Variants in ARSF observed in about 807,000 individuals in gnomAD.
ARSF encodes the protein arylsulfatase F.
ARSF carries 33 observed loss-of-function variants against 35.4 expected under a neutral mutation model. That is an observed-to-expected ratio of 0.93 (90% confidence interval 0.71 to 1.25). ARSF has a LOEUF of 1.25. ARSF is among the 50% of genes most tolerant of loss of function. The pLI, the probability that ARSF is intolerant of heterozygous loss-of-function variation, is 0.00. For synonymous variants in ARSF, 222 were observed against 193.1 expected, an observed-to-expected ratio of 1.15 and a Z score of -1.24; for missense variants, 501 against 480.2, an observed-to-expected ratio of 1.04 and a Z score of -0.40.
chrX:3,085,180 C>T (rs759833253), intron 6 of ARSF, among the ~76,000 whole-genome samples: 1 of 109,462 alleles, frequency 9.1e-6, no homozygotes, highest in African/African-American at 3.3e-5. Context: ...AGACCATGGA[C>T]GCAGACCCTA....
chrX:3,112,716 C>A lies in ARSF; in HGVS notation c.*160C>A. On this transcript the variant is annotated 3_prime_UTR_variant, in exon 11 of 11. Transcript: ENST00000381127. ...ACCATTCCAGATTATTAAAGGCCCACTGGTTGTTCCACTTGCTGCTTTTTT... is the reference window on the plus strand; with the variant it reads ...ACCATTCCAGATTATTAAAGGCCCAATGGTTGTTCCACTTGCTGCTTTTTT... 1.3e-6 allele frequency: 1 copy of A among 786,180 alleles called. No individual in the cohort carries two copies. Among genetic ancestry groups the A allele is most frequent in the Non-Finnish European group, 1.7e-6 (1 of 597,379 alleles). The allele number at this position is 786,180 out of a possible 1,213,427, so 64.8% of individuals were successfully genotyped here.
intron 1 of ARSF, among the ~76,000 whole-genome samples, chrX:3,057,732 C>T (rs977517607): frequency 8.9e-6 from 1 of 111,873 alleles, no homozygotes; most frequent in African/African-American, 3.2e-5. Flanking sequence ...AATAGACATG[C>T]TATCAATTTC....
At chrX:3,051,366 G>T (rs186991356) in intron 1 of ARSF, among the ~76,000 whole-genome samples, 59 of 111,943 alleles carry the variant, frequency 5.3e-4, no homozygotes, top group African/African-American at 1.5e-3. Flanking sequence ...CTCATATTTG[G>T]CTCAGAATAA....
chrX:3,101,529 C>T (rs2090376362), intron 8 of ARSF, among the ~76,000 whole-genome samples: 1 of 111,381 alleles, frequency 9.0e-6, no homozygotes, highest in Non-Finnish European at 1.9e-5. Context: ...GAAATATCTA[C>T]TCATTCATTC....
At chrX:3,095,126 T>C (rs1056840593) in intron 7 of ARSF, among the ~76,000 whole-genome samples, 6 of 108,413 alleles carry the variant, frequency 5.5e-5, no homozygotes, top group Admixed American at 1.0e-4. Context: ...CTAGCCTGGG[T>C]GACAGAGCAA....
At chrX:3,100,278 G>C (rs1260388734) in intron 7 of ARSF, among the ~76,000 whole-genome samples, 3 of 112,201 alleles carry the variant, frequency 2.7e-5, no homozygotes, top group Non-Finnish European at 3.8e-5. Flanking sequence ...CAGTGGGAGT[G>C]TCTTATTCTT....
intron 2 of ARSF, among the ~76,000 whole-genome samples, chrX:3,069,427 G>A (rs1415751316): frequency 9.1e-6 from 1 of 110,318 alleles, no homozygotes; most frequent in Non-Finnish European, 1.9e-5. Context: ...GAGCTCAAGC[G>A]ATCCTCCCAC....
intron 1 of ARSF, among the ~76,000 whole-genome samples, chrX:3,057,018 G>A (rs1206394179): frequency 9.0e-6 from 1 of 111,490 alleles, no homozygotes; most frequent in Non-Finnish European, 1.9e-5. Context: ...ATGCTCAGGT[G>A]GGATTTTATA....
At chrX:3,043,315 T>C (rs1311936416) in intron 1 of ARSF, among the ~76,000 whole-genome samples, 2 of 112,286 alleles carry the variant, frequency 1.8e-5, no homozygotes, top group African/African-American at 6.5e-5. Context: ...CAAGTCATAA[T>C]ACAGTCTGTA....
rs755860308 is a variant in ARSF, at chrX:3,048,483, A to T, written c.-29+6820A>T. On this transcript the variant is annotated intron_variant, in intron 1 of 10. Transcript: ENST00000381127. ...GTACAGATTCACGGAGCCAGCCTAA[A>T]TTGTGTATTCAGTGGAAAGCTGATC... Among the ~76,000 whole-genome samples, 13 of 111,897 alleles carry T rather than the reference A, an allele frequency of 1.2e-4. 1 individual carries two copies. In the Middle Eastern group the frequency reaches 0.014, roughly 119 times the overall value.
chrX:3,102,949 A>G (rs1313425675), intron 8 of ARSF, among the ~76,000 whole-genome samples: 1 of 111,450 alleles, frequency 9.0e-6, no homozygotes, highest in Non-Finnish European at 1.9e-5. Flanking sequence ...GCCATGACAT[A>G]ATGTAGATTT....
intron 1 of ARSF, among the ~76,000 whole-genome samples, chrX:3,049,351 T>C (rs1397073563): frequency 3.6e-5 from 2 of 54,958 alleles, no homozygotes; most frequent in Admixed American, 2.5e-4. Flanking sequence ...GGGGTGGGGG[T>C]GGTGGGTAGA....
At chrX:3,073,102 T>C (rs2090117629) in intron 3 of ARSF, among the ~76,000 whole-genome samples, 1 of 99,450 alleles carries the variant, frequency 1.0e-5, no homozygotes, top group South Asian at 4.2e-4. Flanking sequence ...AAAAGTACAT[T>C]TAAATAAATA....
chrX:3,054,884 C>T (rs2090011439), intron 1 of ARSF, among the ~76,000 whole-genome samples: 1 of 108,405 alleles, frequency 9.2e-6, no homozygotes, highest in Non-Finnish European at 1.9e-5. Context: ...CAGGCATGTG[C>T]CACTACGCCT....
intron 6 of ARSF, among the ~76,000 whole-genome samples, chrX:3,086,213 G>A (rs761597105): frequency 1.8e-5 from 2 of 111,624 alleles, no homozygotes; most frequent in Non-Finnish European, 3.8e-5. Flanking sequence ...TATATGATAA[G>A]CAATCCTATT....
At chrX:3,048,291 A>C (rs1029697491) in intron 1 of ARSF, among the ~76,000 whole-genome samples, 4 of 112,552 alleles carry the variant, frequency 3.6e-5, no homozygotes, top group Non-Finnish European at 7.5e-5. Flanking sequence ...TTTGATTCTT[A>C]AATAAGACAG....
At chrX:3,060,300 A>G (rs142199769) in intron 1 of ARSF, among the ~76,000 whole-genome samples, 29 of 112,064 alleles carry the variant, frequency 2.6e-4, no homozygotes, top group African/African-American at 9.4e-4. Flanking sequence ...CCAAAACTCC[A>G]TCTGTAGGTC....
rs139841750 is a variant in ARSF at position 3,110,471 on chromosome X, G to A, written c.1390+219G>A. Among the ~76,000 whole-genome samples, 27 of 112,279 alleles carry A rather than the reference G, an allele frequency of 2.4e-4. No individual in the cohort carries two copies. The East Asian group carries it at 4.2e-3, about 17-fold the overall frequency. ...GCTTCACTTAATTATCTCAGCAGTC[G>A]CACATACATTAAAACATCACATTGT... On this transcript the variant is annotated intron_variant, in intron 10 of 10. Transcript: ENST00000381127.
intron 7 of ARSF, among the ~76,000 whole-genome samples, chrX:3,092,219 A>G (rs1446022458): frequency 1.8e-5 from 2 of 110,707 alleles, no homozygotes; most frequent in Non-Finnish European, 3.8e-5. Flanking sequence ...ATAGATACAT[A>G]GATAGATAGA....
Sources: gnomAD v4.1 joint callset for allele counts (sites outside exome capture counted in the v4.1 genomes callset) on GRCh38, gnomAD v4.1.1 for gene constraint, MANE v1.5 for transcripts, NCBI Gene and HGNC (gene_info 2026-07-23, HGNC 2026-07-21) for gene names.